The following SEMA3A variants were observed in gnomAD, a reference collection of about 807,000 sequenced individuals.
SEMA3A encodes the protein semaphorin 3A.
SEMA3A carries 29 observed loss-of-function variants against 97.9 expected under a neutral mutation model. The ratio of observed to expected loss-of-function variants is 0.30; its 90% CI spans 0.22 to 0.40. The LOEUF (loss-of-function observed/expected upper bound fraction) is 0.40, where lower values mean the gene tolerates loss of function less well. Ranked by LOEUF, SEMA3A falls within the 10% of genes least tolerant of loss-of-function variation. The pLI is 1.00. For synonymous variants in SEMA3A, 321 were observed against 323.7 expected (o/e 0.99, Z 0.09); for missense variants, 763 against 951.3 (o/e 0.80, Z 2.60).
chr7:84,157,611 C>G (rs750826615), intron 1 of SEMA3A, among the ~76,000 whole-genome samples: 2 of 152,148 alleles, frequency 1.3e-5, no homozygotes, highest in Non-Finnish European at 2.9e-5. Context: ...AATATTCTGA[C>G]TAAGGTATCT....
intron 2 of SEMA3A, 81 bp from the exon 3 acceptor site, chr7:84,129,266 T>C (rs549403126): frequency 9.7e-6 from 11 of 1,131,648 alleles, no homozygotes; most frequent in Admixed American, 9.0e-5. Flanking sequence ...TTAGATGACA[T>C]TGGGGCAACT....
intron 1 of SEMA3A, among the ~76,000 whole-genome samples, chr7:84,442,130 A>G (rs1446139105): frequency 6.6e-6 from 1 of 152,180 alleles, no homozygotes; most frequent in East Asian, 1.9e-4. Flanking sequence ...GTGTAACTCC[A>G]CTTTTAGTTT....
At chr7:84,372,669 C>T (rs1228860) in intron 1 of SEMA3A, among the ~76,000 whole-genome samples, 27,600 of 152,086 alleles carry the variant, frequency 0.18, 2,631 homozygotes, top group Middle Eastern at 0.23. Flanking sequence ...ATTAAAACAT[C>T]TGCAGCATGC....
At position 84,445,139 on chromosome 7, in the gene SEMA3A, T is replaced by TA. The variant is rs1805376958; in HGVS notation, c.-246+47320_-246+47321insT. On this transcript the variant is annotated intron_variant, in intron 1 of 3. Transcript: ENST00000424555. ...ATTTAGTTTCTAAATAATATGCATT[T>TA]TCCATGAACATTCTGAAGTCACATA... Among the ~76,000 whole-genome samples the TA allele has an allele frequency of 2.0e-5, 3 of 152,228 alleles. No individual in the cohort carries two copies. In the East Asian group the frequency reaches 5.8e-4, roughly 29 times the overall value.
intron 1 of SEMA3A, among the ~76,000 whole-genome samples, chr7:84,141,164 A>G (rs901194429): frequency 1.1e-4 from 17 of 152,146 alleles, no homozygotes; most frequent in African/African-American, 3.4e-4. Flanking sequence ...GCCAATACCA[A>G]TGGGCATCTA....
chr7:84,271,916 T>G (rs1363582804), intron 3 of SEMA3A, among the ~76,000 whole-genome samples: 1 of 152,104 alleles, frequency 6.6e-6, no homozygotes, highest in Non-Finnish European at 1.5e-5. Context: ...TATAAAATAA[T>G]ACTTTATACT....
chr7:84,018,578 C>T (rs10215829), intron 6 of SEMA3A, among the ~76,000 whole-genome samples: 138 of 152,122 alleles, frequency 9.1e-4, no homozygotes, highest in African/African-American at 3.2e-3. Context: ...AAGGACTACA[C>T]CAGAAAGAAT....
intron 3 of SEMA3A, among the ~76,000 whole-genome samples, chr7:84,242,570 C>T (rs1394242670): frequency 1.3e-5 from 2 of 152,138 alleles, no homozygotes; most frequent in East Asian, 1.9e-4. Context: ...CATCTGCAAA[C>T]AGAGACAATT....
At chr7:84,143,000 C>T (rs1796340803) in intron 1 of SEMA3A, among the ~76,000 whole-genome samples, 1 of 152,140 alleles carries the variant, frequency 6.6e-6, no homozygotes, top group Non-Finnish European at 1.5e-5. Context: ...CTAATCTGAT[C>T]CATCGCTACA....
intron 3 of SEMA3A, among the ~76,000 whole-genome samples, chr7:84,293,916 T>C (rs2115795401): frequency 6.6e-6 from 1 of 152,156 alleles, no homozygotes; most frequent in Middle Eastern, 3.4e-3. Flanking sequence ...GAATTTGTTA[T>C]TTGTTTAAAA....
intron 6 of SEMA3A, among the ~76,000 whole-genome samples, chr7:84,031,874 T>C (rs1312623695): frequency 1.3e-5 from 2 of 152,086 alleles, no homozygotes; most frequent in African/African-American, 4.8e-5. Context: ...TCCTAAAATA[T>C]AAGCAGATAT....
At chr7:84,456,307 A>G (rs1189761066) in intron 1 of SEMA3A, among the ~76,000 whole-genome samples, 2 of 151,912 alleles carry the variant, frequency 1.3e-5, no homozygotes, top group African/African-American at 4.8e-5. Context: ...TAAAGTCTTA[A>G]TATGGTAAAA....
chr7:84,015,637 C>T (rs139609986), intron 6 of SEMA3A, among the ~76,000 whole-genome samples: 249 of 152,238 alleles, frequency 1.6e-3, no homozygotes, highest in African/African-American at 5.4e-3. Context: ...ACGTACAGGT[C>T]AGCACCATTC....
intron 3 of SEMA3A, among the ~76,000 whole-genome samples, chr7:84,284,525 G>A (rs921834955): frequency 6.6e-6 from 1 of 152,084 alleles, no homozygotes; most frequent in Non-Finnish European, 1.5e-5. Context: ...CAAGGCTAGG[G>A]AGATGGCCAA....
intron 6 of SEMA3A, among the ~76,000 whole-genome samples, chr7:84,034,752 G>T (rs1791880056): frequency 6.6e-6 from 1 of 151,448 alleles, no homozygotes; most frequent in South Asian, 2.1e-4. Flanking sequence ...TTTGTTCAGT[G>T]CAGGCAGTCC....
At chr7:84,369,598 C>G (rs1046643387) in intron 2 of SEMA3A, among the ~76,000 whole-genome samples, 7 of 150,766 alleles carry the variant, frequency 4.6e-5, no homozygotes, top group Admixed American at 6.7e-5. Flanking sequence ...AAAGACAACA[C>G]ATTCCTAACC....
Position 84,061,505 on chromosome 7 carries a change from T to G in SEMA3A, c.454-947A>C, listed in dbSNP as rs184532718. 2.6e-4 allele frequency among the ~76,000 whole-genome samples: 39 copies of G among 152,284 alleles called. 1 individual carries two copies. In the East Asian group the frequency reaches 7.1e-3, roughly 28 times the overall value. ...CCTGGGAATTAATTAGATAAGAATA[T>G]GTATGCTTTTTCCAGTAGTACATTA... On this transcript the variant is annotated intron_variant, in intron 4 of 16. Transcript: ENST00000265362.
chr7:84,104,872 G>A (rs1795062357), intron 4 of SEMA3A, among the ~76,000 whole-genome samples: 1 of 152,042 alleles, frequency 6.6e-6, no homozygotes, highest in African/African-American at 2.4e-5. Context: ...TATAAATGAT[G>A]GTACTTTATT....
upstream of SEMA3A, among the ~76,000 whole-genome samples, chr7:84,197,042 G>A (rs575473169): frequency 6.6e-5 from 10 of 151,858 alleles, no homozygotes; most frequent in Admixed American, 1.3e-4. Flanking sequence ...GATAAAAGAG[G>A]GTCAAAAATG....
Sources: allele counts gnomAD v4.1 joint callset (sites outside exome capture counted in the v4.1 genomes callset), GRCh38; gene constraint gnomAD v4.1.1; transcripts MANE v1.5; gene names NCBI Gene and HGNC (gene_info 2026-07-23, HGNC 2026-07-21).